Variants in LPL observed in about 807,000 individuals in gnomAD.
The protein encoded by LPL is phospholipase A1.
LPL carries 43 observed loss-of-function variants against 52.2 expected under a neutral mutation model. The ratio of observed to expected loss-of-function variants is 0.82; its 90% CI spans 0.64 to 1.06. LPL has a LOEUF of 1.06. Among genes scored for constraint, LPL ranks in the 50% least tolerant of loss-of-function variants. The pLI is 0.00. For missense variants in LPL, 639 were observed against 585.3 expected (o/e 1.09, Z -0.95); for synonymous variants, 244 against 215.6 (o/e 1.13, Z -1.15).
intron 9 of LPL, 24 bp downstream of exon 9, chr8:19,962,243 A>T (rs1290712032): frequency 6.3e-7 from 1 of 1,584,800 alleles, no homozygotes; most frequent in Admixed American, 1.7e-5. Context: ...GCTAAAGCTG[A>T]CTGGGCATCC....
At position 19,966,830 on chromosome 8, in the gene LPL, C is replaced by G. The variant is rs1053039485; in HGVS notation, c.*1520C>G. ...TCATCAGGCTTGGAATGAATTCTCTCTAAAAATAAAATGATGTATGATTTG... is the reference window on the plus strand; with the variant it reads ...TCATCAGGCTTGGAATGAATTCTCTGTAAAAATAAAATGATGTATGATTTG... On this transcript the variant is annotated 3_prime_UTR_variant, in exon 10 of 10. Transcript: ENST00000650287. The G allele has an allele frequency of 6.6e-6, 1 of 152,264 alleles. No individual in the cohort carries two copies. Among genetic ancestry groups the G allele is most frequent in the Non-Finnish European group, 1.5e-5 (1 of 68,032 alleles). The allele number at this position is 152,264 out of a possible 1,614,324, so 9.4% of individuals were successfully genotyped here.
chr8:19,959,243 A>C lies in LPL; in HGVS notation c.1019-17A>C. 1 of 1,614,084 alleles carries C rather than the reference A, an allele frequency of 6.2e-7. No homozygotes were observed. Among genetic ancestry groups the C allele is most frequent in the Non-Finnish European group, 8.5e-7 (1 of 1,179,988 alleles). On this transcript the variant is annotated splice_polypyrimidine_tract_variant and intron_variant, in intron 6 of 9. Coordinates refer to ENST00000650287, the MANE Select transcript of LPL (RefSeq NM_000237.3). ...TCATAAAGATTGATCAACATGTTCG[A>C]ATTTCCTCCCCAACAGTCTTCCATT...
Position 19,939,323 on chromosome 8 carries a change from CT to C in LPL, c.-115del. On this transcript the variant is annotated 5_prime_UTR_variant, in exon 1 of 10. Coordinates refer to ENST00000650287, the MANE Select transcript of LPL (RefSeq NM_000237.3). This position sits in a 1 kb window ranked among gnomAD's most constrained non-coding sequence, Gnocchi z 4.0. ...CCACTTCTAGCTGCCCTGCCATCCC[CT>C]TTAAAGGGCGACTTGCTCAGCGCCA... 1.1e-6 allele frequency: 1 copy of C among 947,536 alleles called. No homozygotes were observed. Among genetic ancestry groups the C allele is most frequent in the Non-Finnish European group, 1.6e-6 (1 of 613,114 alleles). The allele number at this position is 947,536 out of a possible 1,614,324, so 58.7% of individuals were successfully genotyped here. A position where few individuals can be genotyped will look rare whatever the true frequency, so the allele number is the denominator to read the frequency against.
intron 8 of LPL, among the ~76,000 whole-genome samples, chr8:19,961,503 C>T (rs999540471): frequency 4.0e-5 from 6 of 151,898 alleles, no homozygotes; most frequent in Non-Finnish European, 7.4e-5. Context: ...AACCTGTCTC[C>T]GCAGCCCCAC....
In LPL at chr8:19,950,647, C is replaced by CA. The variant is rs1357129538; in HGVS notation, c.250-1115dup. 2.0e-5 allele frequency among the ~76,000 whole-genome samples: 3 copies of CA among 151,948 alleles called. No individual in the cohort carries two copies. Among genetic ancestry groups the CA allele is most frequent in the African/African-American group, 4.8e-5 (2 of 41,354 alleles). On this transcript the variant is annotated intron_variant, in intron 2 of 9. Transcript: ENST00000650287. The surrounding 1 kb of genome is among the most constrained non-coding windows in gnomAD (Gnocchi z 4.2). Reference sequence around the variant, plus strand: ...AAACCCAATCTCTACTAAAAAAATACAAAAAAATTAGCCAGGTGTGGTGGT... The same window carrying CA: ...AAACCCAATCTCTACTAAAAAAATACAAAAAAAATTAGCCAGGTGTGGTGGT...
At chr8:19,958,626 T>C (rs981514556) in intron 6 of LPL, among the ~76,000 whole-genome samples, 2 of 152,224 alleles carry the variant, frequency 1.3e-5, no homozygotes, top group Admixed American at 6.5e-5. Flanking sequence ...TTTGGTTACA[T>C]GAGTAAGTTC....
rs1368127416 is a variant in LPL, at chr8:19,948,451, T to A, written c.249+111T>A. ...GTCCGCACCCCACATCTCACGTGGA[T>A]CTCCTTACACTTGAATAAAGACAGT... On this transcript the variant is annotated intron_variant, in intron 2 of 9. Transcript: ENST00000650287. The A allele has an allele frequency of 7.2e-6, 9 of 1,243,478 alleles. 1 individual carries two copies. The Middle Eastern group carries it at 7.8e-4, about 107-fold the overall frequency. The allele number at this position is 1,243,478 out of a possible 1,614,324, so 77.0% of individuals were successfully genotyped here.
At position 19,954,288 on chromosome 8, in the gene LPL, G is replaced by A. The variant is rs571478179; in HGVS notation, c.710G>A (p.Gly237Asp). Reference sequence around the variant, plus strand: ...CATGTTGACATTTACCCGAATGGAGGTACTTTTCAGCCAGGATGTAACATT... The same window carrying A: ...CATGTTGACATTTACCCGAATGGAGATACTTTTCAGCCAGGATGTAACATT... ...VGHVDIYPNG[G>D]TFQPGCNIGE... Residue 237 changes from glycine to aspartate, a missense_variant, in exon 5 of 10, where the codon GGT becomes GAT. Physicochemically the swap from Gly to Asp is moderately conservative, Grantham distance 94. Transcript: ENST00000650287. The A allele has an allele frequency of 6.2e-7, 1 of 1,614,176 alleles. No homozygotes were observed. Among genetic ancestry groups the A allele is most frequent in the East Asian group, 2.2e-5 (1 of 44,884 alleles).
Sources: gnomAD v4.1 joint callset for allele counts (sites outside exome capture counted in the v4.1 genomes callset) on GRCh38, gnomAD v4.1.1 for gene constraint, Gnocchi (gnomAD v3.1) non-coding constraint, MANE v1.5 for transcripts, NCBI Gene and HGNC (gene_info 2026-07-23, HGNC 2026-07-21) for gene names.